The following TGIF2 variants were observed in gnomAD, a reference collection of about 807,000 sequenced individuals.
TGIF2 encodes TGFB induced factor homeobox 2.
A neutral mutation model predicts 15.1 loss-of-function variants in TGIF2; 5 were observed. That is an observed-to-expected ratio of 0.33 (90% CI 0.17 to 0.70). The LOEUF is 0.70. Among genes scored for constraint, TGIF2 ranks in the 30% least tolerant of loss-of-function variants. The pLI is 0.67. For synonymous variants in TGIF2, 131 were observed against 128.9 expected, an observed-to-expected ratio of 1.02 and a Z score of -0.11; for missense variants, 264 against 302.5, an observed-to-expected ratio of 0.87 and a Z score of 0.94.
rs565414123 is a variant in TGIF2 at position 36,580,444 on chromosome 20, C to T, written c.192+1478C>T. ...TGCCTTCTCTGTGAGCCTCATTATT[C>T]CCTCATCTGAAAAAAGGGAGGTGAT... On this transcript the variant is annotated intron_variant, in intron 2 of 2. Coordinates refer to ENST00000373872, the MANE Select transcript of TGIF2 (RefSeq NM_021809.7). Among the ~76,000 whole-genome samples, 4 of 152,158 alleles carry T rather than the reference C, an allele frequency of 2.6e-5. No homozygotes were observed. The East Asian group carries it at 7.7e-4, about 29-fold the overall frequency.
intron 1 of TGIF2, among the ~76,000 whole-genome samples, chr20:36,576,448 A>G (rs943956170): frequency 1.3e-5 from 2 of 152,116 alleles, no homozygotes; most frequent in African/African-American, 2.4e-5. Flanking sequence ...CTGCTGCAGG[A>G]TCATGGTGAT....
At chr20:36,587,168 C>T (rs566283918) in intron 2 of TGIF2, among the ~76,000 whole-genome samples, 39 of 152,348 alleles carry the variant, frequency 2.6e-4, no homozygotes, top group African/African-American at 7.0e-4. Flanking sequence ...CACTGGCAGC[C>T]ACTCAGTCCC....
intron 2 of TGIF2, among the ~76,000 whole-genome samples, chr20:36,586,780 T>C (rs541293885): frequency 6.8e-6 from 1 of 146,382 alleles, no homozygotes; most frequent in African/African-American, 2.5e-5. Context: ...GTAGTCTCAG[T>C]GTGAATGGTG....
intron 2 of TGIF2, among the ~76,000 whole-genome samples, chr20:36,585,163 A>C (rs2038628357): frequency 6.6e-6 from 1 of 151,850 alleles, no homozygotes; most frequent in East Asian, 1.9e-4. Flanking sequence ...CTGCCATTGC[A>C]CTCCAGCCTG....
intron 2 of TGIF2, among the ~76,000 whole-genome samples, chr20:36,590,028 C>T (rs1387638168): frequency 6.6e-6 from 1 of 152,178 alleles, no homozygotes; most frequent in East Asian, 1.9e-4. Context: ...TATCACGGCT[C>T]ACTGCAGTCT....
At chr20:36,579,204 C>T (rs1325993913) in intron 2 of TGIF2, among the ~76,000 whole-genome samples, 1 of 152,126 alleles carries the variant, frequency 6.6e-6, no homozygotes, top group African/African-American at 2.4e-5. Context: ...CGGAGTCTTG[C>T]ACTGTCACCC....
chr20:36,576,191 G>A (rs995616713), intron 1 of TGIF2, among the ~76,000 whole-genome samples: 1 of 152,210 alleles, frequency 6.6e-6, no homozygotes, highest in Non-Finnish European at 1.5e-5. Context: ...GTTATCTAGG[G>A]AAAATCCTTC....
chr20:36,583,908 GA>G (rs1042812918), intron 2 of TGIF2, among the ~76,000 whole-genome samples: 2 of 150,176 alleles, frequency 1.3e-5, no homozygotes, highest in African/African-American at 4.9e-5. Flanking sequence ...AAAAAGAAAA[GA>G]AAAAAAAACT....
chr20:36,588,743 C>G (rs901495799), intron 2 of TGIF2, among the ~76,000 whole-genome samples: 1 of 152,102 alleles, frequency 6.6e-6, no homozygotes, highest in East Asian at 1.9e-4. Flanking sequence ...AGCCTTCCAG[C>G]CCGACAGCCT....
Position 36,591,103 on chromosome 20 carries a change from T to C in TGIF2, c.386T>C (p.Val129Ala). The C allele has an allele frequency of 4.4e-6, 7 of 1,607,194 alleles. No individual in the cohort carries two copies. The highest frequency in any genetic ancestry group is 6.0e-6 in the Non-Finnish European group (7 of 1,174,644). ...CCCACCAATGTGCTCTCCCTGTCTG[T>C]GTGCTCCATGCCGCTTCACTCAGGC... ...PAPTNVLSLSVCSMPLHSGQG... is the reference protein window; with the variant it reads ...PAPTNVLSLSACSMPLHSGQG... The change falls in exon 3 of 3, where the codon GTG (valine) becomes GCG (alanine). Residue 129 changes from valine (V) to alanine (A), a missense_variant. By Grantham distance (64) the Val-to-Ala change is moderately conservative. Transcript: ENST00000373872. The surrounding 1 kb of genome is among the most constrained non-coding windows in gnomAD (Gnocchi z 5.3).
At chr20:36,584,249 C>T (rs1287444470) in intron 2 of TGIF2, among the ~76,000 whole-genome samples, 4 of 152,210 alleles carry the variant, frequency 2.6e-5, no homozygotes, top group Admixed American at 2.0e-4. Context: ...TGTATGCTCT[C>T]ACAGCAGATA....
chr20:36,576,091 CAAAA>C (rs1321763571), intron 1 of TGIF2, among the ~76,000 whole-genome samples: 4 of 120,718 alleles, frequency 3.3e-5, no homozygotes, highest in Non-Finnish European at 7.1e-5. Context: ...GACTCCATCT[CAAAA>C]AAAAAAAAAG....
At position 36,579,187 on chromosome 20, in the gene TGIF2, T is replaced by A. The variant is rs148121128; in HGVS notation, c.192+221T>A. On this transcript the variant is annotated intron_variant, in intron 2 of 2. Coordinates refer to ENST00000373872, the MANE Select transcript of TGIF2 (RefSeq NM_021809.7). ...TTCAGACTTTAGATAGTCCTTTTTT[T>A]TTGAGACGGAGTCTTGCACTGTCAC... Among the ~76,000 whole-genome samples the A allele has an allele frequency of 6.1e-3, 927 of 152,294 alleles. 10 individuals carry two copies. Among genetic ancestry groups the A allele is most frequent in the African/African-American group, 0.022 (895 of 41,556 alleles).
chr20:36,581,954 G>T (rs1054396911), intron 2 of TGIF2, among the ~76,000 whole-genome samples: 1 of 151,996 alleles, frequency 6.6e-6, no homozygotes, highest in South Asian at 2.1e-4. Flanking sequence ...AACATTTTTC[G>T]GCCGGGAATG....
chr20:36,576,406 A>G (rs1159763070), intron 1 of TGIF2, among the ~76,000 whole-genome samples: 1 of 152,188 alleles, frequency 6.6e-6, no homozygotes, highest in Admixed American at 6.6e-5. Context: ...ACTGCAAGGT[A>G]CACAGTAGGT....
chr20:36,587,686 C>G (rs1334233608), intron 2 of TGIF2, among the ~76,000 whole-genome samples: 1 of 152,168 alleles, frequency 6.6e-6, no homozygotes, highest in East Asian at 1.9e-4. Flanking sequence ...GTTTCTGAAC[C>G]TCTCCGATCT....
intron 1 of TGIF2, among the ~76,000 whole-genome samples, chr20:36,576,426 A>C (rs1382837281): frequency 6.6e-6 from 1 of 152,162 alleles, no homozygotes; most frequent in African/African-American, 2.4e-5. Context: ...TGCTCCTTAA[A>C]TATTACTTGG....
At chr20:36,578,151 G>A (rs933663990) in intron 1 of TGIF2, among the ~76,000 whole-genome samples, 2 of 152,128 alleles carry the variant, frequency 1.3e-5, no homozygotes, top group Non-Finnish European at 2.9e-5. Flanking sequence ...GGTGGCTCAC[G>A]CTTGCAATCC....
At chr20:36,578,242 T>C (rs2038471536) in intron 1 of TGIF2, among the ~76,000 whole-genome samples, 1 of 151,542 alleles carries the variant, frequency 6.6e-6, no homozygotes, top group African/African-American at 2.4e-5. Context: ...TGAAACCCTG[T>C]GTCTACCAAA....
Sources: gnomAD v4.1 joint callset for allele counts (sites outside exome capture counted in the v4.1 genomes callset) on GRCh38, gnomAD v4.1.1 for gene constraint, Gnocchi (gnomAD v3.1) non-coding constraint, MANE v1.5 for transcripts, NCBI Gene and HGNC (gene_info 2026-07-23, HGNC 2026-07-21) for gene names.